The following TRPC4AP variants were observed in gnomAD, a reference collection of about 807,000 sequenced individuals.
TRPC4AP encodes the protein transient receptor potential cation channel subfamily C member 4 associated protein.
Under a neutral mutation model 99.0 loss-of-function variants are expected in TRPC4AP, and 45 were observed. The observed-to-expected ratio is 0.45, with a 90% CI of 0.36 to 0.58. The LOEUF (loss-of-function observed/expected upper bound fraction) is 0.58, where lower values mean the gene tolerates loss of function less well. Among genes scored for constraint, TRPC4AP ranks in the 20% least tolerant of loss-of-function variants. The pLI is 0.00. For missense variants in TRPC4AP, 879 were observed against 985.3 expected (o/e 0.89, Z 1.44); for synonymous variants, 408 against 385.8 (o/e 1.06, Z -0.67).
intron 1 of TRPC4AP, among the ~76,000 whole-genome samples, chr20:35,080,931 T>C (rs2084628333): frequency 6.6e-6 from 1 of 152,076 alleles, no homozygotes; most frequent in Non-Finnish European, 1.5e-5. Context: ...TAAATGAACA[T>C]AAGTGAACTT....
chr20:35,058,792 C>G (rs550299426), intron 3 of TRPC4AP, among the ~76,000 whole-genome samples: 93 of 146,278 alleles, frequency 6.4e-4, no homozygotes, highest in Middle Eastern at 3.7e-3. Context: ...TGGGTTCAAG[C>G]GATTCTCCTG....
chr20:35,012,132 G>A (rs183063744), intron 11 of TRPC4AP, among the ~76,000 whole-genome samples: 2 of 152,348 alleles, frequency 1.3e-5, no homozygotes, highest in Admixed American at 6.5e-5. Flanking sequence ...CCATTTTTCA[G>A]AAGGTTAACA....
chr20:35,033,439 A>T (rs1230489302), intron 8 of TRPC4AP, among the ~76,000 whole-genome samples: 2 of 152,032 alleles, frequency 1.3e-5, no homozygotes, highest in Non-Finnish European at 2.9e-5. Context: ...TCTTTCCATG[A>T]TCTCTCTGTT....
In TRPC4AP at chr20:35,059,905, CG is replaced by C. The variant is rs1569132211; in HGVS notation, c.415-2335del. Among the ~76,000 whole-genome samples the C allele has an allele frequency of 3.3e-4, 15 of 46,088 alleles. No individual in the cohort carries two copies. The East Asian group carries it at 3.9e-3, about 12-fold the overall frequency. 30.2% of individuals were successfully genotyped at this position (46,088 alleles called of 152,430 possible). On this transcript the variant is annotated intron_variant, in intron 3 of 18. Coordinates refer to ENST00000252015, the MANE Select transcript of TRPC4AP (RefSeq NM_015638.3). ...AAGACAAAGATGAAGATGAAGAAGA[CG>C]AAGACGAAGAAGACAAAGACGAAGA... is the stretch of plus-strand genomic sequence containing the variant.
intron 6 of TRPC4AP, 102 bp from the exon 7 acceptor site, chr20:35,044,814 A>G (rs2083523257): frequency 1.8e-6 from 2 of 1,115,748 alleles, no homozygotes; most frequent in Admixed American, 2.0e-5. Context: ...TAGTGGCTAG[A>G]TCACTTAGGT....
intron 7 of TRPC4AP, among the ~76,000 whole-genome samples, chr20:35,036,979 A>C (rs532322160): frequency 6.0e-5 from 9 of 150,916 alleles, no homozygotes; most frequent in Non-Finnish European, 2.9e-5. Flanking sequence ...ACACACACAC[A>C]CCCCTCCCAT....
intron 7 of TRPC4AP, among the ~76,000 whole-genome samples, chr20:35,044,157 G>A (rs2147359114): frequency 6.6e-6 from 1 of 152,154 alleles, no homozygotes; most frequent in South Asian, 2.1e-4. Context: ...TCGGGAAGAT[G>A]AGGTGGGTGG....
rs201507668 is a variant in TRPC4AP, at chr20:35,055,358, G to GT, written c.473-328dup. On this transcript the variant is annotated intron_variant, in intron 4 of 18. Coordinates refer to ENST00000252015, the MANE Select transcript of TRPC4AP (RefSeq NM_015638.3). ...CTTGCTTAGGATATATCTAGGATTT[G>GT]TTTTTTTTGTTTTTTGTGTTTTTTG... Among the ~76,000 whole-genome samples the GT allele has an allele frequency of 2.0e-3, 303 of 151,712 alleles. 1 individual carries two copies. Among genetic ancestry groups the GT allele is most frequent in the African/African-American group, 6.1e-3 (254 of 41,352 alleles).
intron 10 of TRPC4AP, among the ~76,000 whole-genome samples, chr20:35,014,064 G>A (rs1051760892): frequency 1.3e-5 from 2 of 152,226 alleles, no homozygotes; most frequent in African/African-American, 4.8e-5. Context: ...ATCCAAGGGG[G>A]AAACTAACCC....
At chr20:35,026,852 G>C (rs1051003833) in intron 8 of TRPC4AP, among the ~76,000 whole-genome samples, 2 of 151,694 alleles carry the variant, frequency 1.3e-5, no homozygotes, top group Non-Finnish European at 2.9e-5. Flanking sequence ...TTTTTGGTTT[G>C]TTGATTGCTA....
At chr20:35,007,516 C>T (rs759751023) in intron 14 of TRPC4AP, 34 bp downstream of exon 14, 29 of 1,608,106 alleles carry the variant, frequency 1.8e-5, no homozygotes, top group African/African-American at 1.2e-4. Flanking sequence ...TGGGGGGAGA[C>T]GGAACCCAAG....
At chr20:35,083,962 T>A (rs537047380) in intron 1 of TRPC4AP, among the ~76,000 whole-genome samples, 137 of 140,398 alleles carry the variant, frequency 9.8e-4, no homozygotes, top group South Asian at 3.1e-3. Flanking sequence ...ATGATTTCTT[T>A]AAAAAAAAAA....
At chr20:35,008,008 G>A (rs567583329) in intron 13 of TRPC4AP, among the ~76,000 whole-genome samples, 10 of 152,314 alleles carry the variant, frequency 6.6e-5, no homozygotes, top group African/African-American at 9.6e-5. Context: ...GGAAGCGGAC[G>A]AACACATGCA....
intron 8 of TRPC4AP, among the ~76,000 whole-genome samples, chr20:35,023,737 T>C (rs1230828609): frequency 6.6e-6 from 1 of 152,220 alleles, no homozygotes; most frequent in Non-Finnish European, 1.5e-5. Flanking sequence ...GTGCTTGGCA[T>C]CCTCGGCACC....
chr20:35,084,930 C>A (rs1474207068), intron 1 of TRPC4AP, among the ~76,000 whole-genome samples: 1 of 152,082 alleles, frequency 6.6e-6, no homozygotes, highest in Non-Finnish European at 1.5e-5. Flanking sequence ...TACTTAACAA[C>A]AGCCAAAGCT....
chr20:35,048,780 C>A (rs1368079609), intron 6 of TRPC4AP, among the ~76,000 whole-genome samples: 2 of 152,152 alleles, frequency 1.3e-5, no homozygotes, highest in Non-Finnish European at 2.9e-5. Context: ...GCTAAGGAGT[C>A]TGGAGTTTCC....
intron 3 of TRPC4AP, among the ~76,000 whole-genome samples, chr20:35,066,814 C>T (rs2084157216): frequency 6.6e-6 from 1 of 151,846 alleles, no homozygotes. Context: ...AGTAAAAAAA[C>T]ACAAATGACA....
At chr20:35,011,891 C>T (rs1322037183) in intron 11 of TRPC4AP, among the ~76,000 whole-genome samples, 1 of 152,222 alleles carries the variant, frequency 6.6e-6, no homozygotes, top group Non-Finnish European at 1.5e-5. Flanking sequence ...CTCTCACAGA[C>T]CCCGTTCCTC....
intron 8 of TRPC4AP, among the ~76,000 whole-genome samples, chr20:35,025,138 A>G (rs1308917071): frequency 1.3e-5 from 2 of 152,080 alleles, no homozygotes; most frequent in Non-Finnish European, 2.9e-5. Context: ...GCCAACCCTT[A>G]TTATCCACCT....
Sources: gnomAD v4.1 joint callset for allele counts (sites outside exome capture counted in the v4.1 genomes callset) on GRCh38, gnomAD v4.1.1 for gene constraint, MANE v1.5 for transcripts, NCBI Gene and HGNC (gene_info 2026-07-23, HGNC 2026-07-21) for gene names.